PACRG: variants seen among roughly 807,000 people sequenced by gnomAD.
PACRG encodes the protein parkin coregulated, also known as parkin coregulated gene protein.
A neutral mutation model predicts 29.7 loss-of-function variants in PACRG; 29 were observed. The ratio of observed to expected loss-of-function variants is 0.98; its 90% CI spans 0.73 to 1.33. PACRG has a LOEUF of 1.33. Ranked by LOEUF, PACRG falls within the 40% of genes most tolerant of loss-of-function variation. The pLI, the probability that PACRG is intolerant of heterozygous loss-of-function variation, is 0.00. For synonymous variants in PACRG, 116 were observed against 118.7 expected (o/e 0.98, Z 0.15); for missense variants, 279 against 316.2 (o/e 0.88, Z 0.89).
intron 2 of PACRG, among the ~76,000 whole-genome samples, chr6:162,914,138 G>T (rs1331384340): frequency 6.6e-6 from 1 of 151,864 alleles, no homozygotes; most frequent in Non-Finnish European, 1.5e-5. Context: ...ATAAATGTTT[G>T]CCTCCTCCAA....
Position 163,314,875 on chromosome 6 carries a change from T to C in PACRG, c.662T>C (p.Ile221Thr), listed in dbSNP as rs147721579. 575 of 1,614,076 alleles carry C rather than the reference T, an allele frequency of 3.6e-4. 2 individuals are homozygous for C. The highest frequency in any genetic ancestry group is 9.8e-4 in the Admixed American group (59 of 60,010). The change falls in exon 5 of 5, where the codon ATT (isoleucine) becomes ACT (threonine). Residue 221 changes from isoleucine to threonine, a missense_variant. By Grantham distance (89) the Ile-to-Thr change is moderately conservative. Coordinates refer to ENST00000366888, the MANE Select transcript of PACRG (RefSeq NM_001080379.2). ...TACAGCCAGCAGAAGAGGGAGAACATTGGGGACTTGATCCAGGAGACACTG... is the reference window on the plus strand; with the variant it reads ...TACAGCCAGCAGAAGAGGGAGAACACTGGGGACTTGATCCAGGAGACACTG... ...IDYSQQKREN[I>T]GDLIQETLEA...
intron 4 of PACRG, among the ~76,000 whole-genome samples, chr6:163,117,073 G>A (rs966612470): frequency 3.3e-5 from 5 of 152,184 alleles, no homozygotes; most frequent in Non-Finnish European, 7.3e-5. Context: ...GTACAGCTAG[G>A]AAAGTGGAAA....
intron 4 of PACRG, among the ~76,000 whole-genome samples, chr6:163,093,497 A>G (rs1164849922): frequency 6.6e-6 from 1 of 152,250 alleles, no homozygotes; most frequent in Non-Finnish European, 1.5e-5. Flanking sequence ...TACCAAATTA[A>G]TGATGCAGAG....
chr6:162,811,113 A>T (rs1039088856), intron 1 of PACRG, among the ~76,000 whole-genome samples: 1 of 152,220 alleles, frequency 6.6e-6, no homozygotes, highest in Admixed American at 6.5e-5. Context: ...CAAAGCCTTG[A>T]AGGGTAGATG....
chr6:163,110,271 C>A (rs1009407734), intron 4 of PACRG, among the ~76,000 whole-genome samples: 1 of 152,224 alleles, frequency 6.6e-6, no homozygotes, highest in African/African-American at 2.4e-5. Context: ...CCTCTTCTGA[C>A]ACACATGCCA....
At chr6:162,883,933 A>G (rs1055710133) in intron 2 of PACRG, among the ~76,000 whole-genome samples, 1 of 152,038 alleles carries the variant, frequency 6.6e-6, no homozygotes, top group African/African-American at 2.4e-5. Context: ...AACATATTTA[A>G]CTTTTGTTTT....
intron 4 of PACRG, among the ~76,000 whole-genome samples, chr6:163,290,478 A>G (rs1784562920): frequency 6.6e-6 from 1 of 152,176 alleles, no homozygotes; most frequent in Admixed American, 6.5e-5. Flanking sequence ...GGACTGAGCC[A>G]ATGGGAAGAA....
intron 4 of PACRG, among the ~76,000 whole-genome samples, chr6:163,149,199 G>C (rs866801224): frequency 2.6e-5 from 4 of 152,018 alleles, no homozygotes; most frequent in Admixed American, 2.6e-4. Flanking sequence ...CAGGCCGGTC[G>C]GGTGTCCTCA....
At chr6:163,140,958 T>C (rs1817128021) in intron 4 of PACRG, among the ~76,000 whole-genome samples, 1 of 152,230 alleles carries the variant, frequency 6.6e-6, no homozygotes, top group South Asian at 2.1e-4. Flanking sequence ...AGCTGAAAGC[T>C]GCTCTTCGAA....
At chr6:163,262,205 C>T (rs1783353874) in intron 4 of PACRG, among the ~76,000 whole-genome samples, 1 of 152,194 alleles carries the variant, frequency 6.6e-6, no homozygotes, top group South Asian at 2.1e-4. Flanking sequence ...ACTCAGTAGT[C>T]CTGGCAGCTC....
intron 2 of PACRG, among the ~76,000 whole-genome samples, chr6:162,887,224 A>G (rs1430165014): frequency 1.3e-5 from 2 of 152,160 alleles, no homozygotes; most frequent in Non-Finnish European, 2.9e-5. Context: ...AAGTGCTGCA[A>G]TTATAGGTGT....
At chr6:163,020,365 A>G (rs1249979964) in intron 2 of PACRG, among the ~76,000 whole-genome samples, 1 of 152,154 alleles carries the variant, frequency 6.6e-6, no homozygotes, top group Non-Finnish European at 1.5e-5. Flanking sequence ...AAGCAAACTT[A>G]GAATTGCTGT....
At chr6:163,246,261 G>T (rs572195842) in intron 4 of PACRG, among the ~76,000 whole-genome samples, 4 of 152,078 alleles carry the variant, frequency 2.6e-5, no homozygotes, top group African/African-American at 9.7e-5. Flanking sequence ...ATATTCTCCA[G>T]TTGCATCAGA....
At chr6:162,837,990 A>G (rs1366524596) in intron 2 of PACRG, among the ~76,000 whole-genome samples, 2 of 152,192 alleles carry the variant, frequency 1.3e-5, no homozygotes, top group Admixed American at 6.5e-5. Context: ...CATCATATTT[A>G]TTTTAGAAAA....
intron 1 of PACRG, among the ~76,000 whole-genome samples, chr6:162,771,368 C>T (rs1213530418): frequency 6.6e-6 from 1 of 152,180 alleles, no homozygotes; most frequent in African/African-American, 2.4e-5. Context: ...TCCACCATTC[C>T]TCTTCCAGGG....
chr6:163,191,040 A>G (rs1392502881), intron 4 of PACRG: 8 of 436,606 alleles, frequency 1.8e-5, no homozygotes, highest in Non-Finnish European at 3.6e-5. Context: ...AAAATATTAC[A>G]TATTATCATT....
At chr6:162,871,972 C>T (rs909021874) in intron 2 of PACRG, among the ~76,000 whole-genome samples, 1 of 152,102 alleles carries the variant, frequency 6.6e-6, no homozygotes, top group Admixed American at 6.6e-5. Flanking sequence ...AGACTACTTT[C>T]TCAATAGAAT....
intron 4 of PACRG, among the ~76,000 whole-genome samples, chr6:163,144,343 T>TACATACACACACACACACACAC (rs1562937749): frequency 7.3e-6 from 1 of 137,232 alleles, no homozygotes; most frequent in Non-Finnish European, 1.5e-5. Context: ...TACACACACA[T>TACATACACACACACACACACAC]ACATACACAC....
rs1170429026 is a variant in PACRG at position 162,747,388 on chromosome 6, ATG to A, written c.156+18999_156+19000del. ...TACACATACATATATATGTATATAT[ATG>A]TATATATATATGTATATATATATAT... On this transcript the variant is annotated intron_variant, in intron 1 of 4. Coordinates refer to ENST00000366888, the MANE Select transcript of PACRG (RefSeq NM_001080379.2). Among the ~76,000 whole-genome samples the A allele has an allele frequency of 1.6e-3, 92 of 57,664 alleles. 10 individuals are homozygous for A. The highest frequency in any genetic ancestry group is 2.3e-3 in the Non-Finnish European group (79 of 34,486). The allele number at this position is 57,664 out of a possible 152,430, so 37.8% of individuals were successfully genotyped here. A position where few individuals can be genotyped will look rare whatever the true frequency, so the allele number is the denominator to read the frequency against.
Sources: gnomAD v4.1 joint callset for allele counts (sites outside exome capture counted in the v4.1 genomes callset) on GRCh38, gnomAD v4.1.1 for gene constraint, MANE v1.5 for transcripts, NCBI Gene and HGNC (gene_info 2026-07-23, HGNC 2026-07-21) for gene names.